Variants in CATSPERE observed in about 807,000 individuals in gnomAD.
CATSPERE encodes cation channel sperm-associated auxiliary subunit epsilon.
In CATSPERE, 93 loss-of-function variants were observed where a neutral mutation model predicts 114.1. That is an observed-to-expected ratio of 0.81 (90% CI 0.69 to 0.97). CATSPERE has a LOEUF of 0.97. Ranked by LOEUF, CATSPERE falls within the 50% of genes least tolerant of loss-of-function variation. CATSPERE has a pLI of 0.00. For synonymous variants in CATSPERE, 341 were observed against 384.1 expected, an observed-to-expected ratio of 0.89 and a Z score of 1.31; for missense variants, 1,058 against 1,131.6, an observed-to-expected ratio of 0.93 and a Z score of 0.93.
chr1:244,572,438 G>A lies in CATSPERE; in HGVS notation c.1616G>A (p.Arg539Lys). The change falls in exon 11 of 22, where the codon AGA becomes AAA. Residue 539 changes from arginine to lysine, a missense_variant. Arg to Lys is a conservative substitution (Grantham distance 26). Around this residue, in one of 2 missense-constraint regions of CATSPERE, gnomAD observed 787 missense variants for 905.6 expected, o/e 0.87. Transcript: ENST00000366534. ...KLHLWTNYTT[R>K]AFIFLSTSGQ... ...CATTTATGGACAAATTACACAACAA[G>A]AGCATTCATTTTCTTAAGTACATCT... The A allele has an allele frequency of 6.2e-7, 1 of 1,611,606 alleles. No individual in the cohort carries two copies. Among genetic ancestry groups the A allele is most frequent in the Non-Finnish European group, 8.5e-7 (1 of 1,177,722 alleles).
chr1:244,608,380 T>G lies in CATSPERE; in HGVS notation c.2404-1860T>G, dbSNP rs141998142. Among the ~76,000 whole-genome samples the G allele has an allele frequency of 1.4e-3, 215 of 150,726 alleles. 2 individuals carry two copies. In the East Asian group the frequency reaches 0.031, roughly 22 times the overall value. ...GAACCCCTTCTCCACACACAAAAAT[T>G]TTTCAATTAGCCAGGTGTGGTGATG... is the stretch of plus-strand genomic sequence containing the variant. On this transcript the variant is annotated intron_variant, in intron 18 of 21. Transcript: ENST00000366534.
rs1662434492 is a variant in CATSPERE, at chr1:244,560,783, G to C, written c.1145G>C (p.Ser382Thr). The C allele has an allele frequency of 5.0e-6, 8 of 1,613,992 alleles. No individual in the cohort carries two copies. The highest frequency in any genetic ancestry group is 6.8e-6 in the Non-Finnish European group (8 of 1,179,944). ...VTTTELKNIL[S>T]LSVTATLTID... The stretch of plus-strand genomic sequence containing the variant: ...ACCACAGAACTGAAAAACATCCTAA[G>C]TCTATCGGTGACTGCTACTCTGACC... Residue 382 changes from serine (S) to threonine (T), a missense_variant, in exon 10 of 22, where the codon AGT (serine) becomes ACT (threonine). Around this residue, in one of 2 missense-constraint regions of CATSPERE, gnomAD observed 787 missense variants for 905.6 expected, o/e 0.87. Transcript: ENST00000366534.
intron 8 of CATSPERE, among the ~76,000 whole-genome samples, chr1:244,533,776 A>G (rs1679965937): frequency 1.3e-5 from 2 of 152,134 alleles, no homozygotes; most frequent in Admixed American, 6.5e-5. Flanking sequence ...TAGCCTTTCT[A>G]CTTAACATGT....
chr1:244,480,209 A>G (rs1670047760), intron 5 of CATSPERE, among the ~76,000 whole-genome samples: 1 of 152,256 alleles, frequency 6.6e-6, no homozygotes, highest in African/African-American at 2.4e-5. Flanking sequence ...TGTATTGGAT[A>G]GCTTTTCAAA....
chr1:244,528,199 A>G (rs181835716), intron 8 of CATSPERE, among the ~76,000 whole-genome samples: 149 of 152,318 alleles, frequency 9.8e-4, no homozygotes, highest in African/African-American at 3.5e-3. Context: ...GCTCCCAATT[A>G]TAAGTGAGAA....
At chr1:244,454,638 T>G (rs536484314) in intron 1 of CATSPERE, 2 of 151,402 alleles carry the variant, frequency 1.3e-5, no homozygotes, top group Non-Finnish European at 2.9e-5. Context: ...CCGGACCGGT[T>G]TGTGGTCTCT....
chr1:244,588,613 T>G, intron 14 of CATSPERE, 79 bp downstream of exon 14: 1 of 1,049,992 alleles, frequency 9.5e-7, no homozygotes, highest in African/African-American at 1.6e-5. Flanking sequence ...CTGCTAGTGA[T>G]AATAGCCTAA....
At chr1:244,604,817 T>C (rs1053089557) in intron 17 of CATSPERE, among the ~76,000 whole-genome samples, 1 of 152,214 alleles carries the variant, frequency 6.6e-6, no homozygotes, top group Non-Finnish European at 1.5e-5. Flanking sequence ...TATGTTCACA[T>C]GGTAGCAGGG....
At chr1:244,451,410 T>TC (rs879287137), upstream of CATSPERE, among the ~76,000 whole-genome samples, 7 of 151,808 alleles carry the variant, frequency 4.6e-5, no homozygotes, top group Admixed American at 6.6e-5. The surrounding 1 kb of genome is among the most constrained non-coding windows in gnomAD (Gnocchi z 6.6). Flanking sequence ...GCCCACCTCT[T>TC]CCTCCAGGGC....
At chr1:244,548,952 T>A in intron 8 of CATSPERE, among the ~76,000 whole-genome samples, 1 of 152,190 alleles carries the variant, frequency 6.6e-6, no homozygotes, top group East Asian at 1.9e-4. Context: ...CATGCTCTGC[T>A]GGCCTACCAC....
At chr1:244,467,611 A>G (rs963098112) in intron 2 of CATSPERE, among the ~76,000 whole-genome samples, 1 of 152,334 alleles carries the variant, frequency 6.6e-6, no homozygotes, top group Non-Finnish European at 1.5e-5. Flanking sequence ...TTTGACTCCT[A>G]GGTATACATC....
chr1:244,591,212 A>C (rs149884807), intron 14 of CATSPERE, among the ~76,000 whole-genome samples: 1 of 152,324 alleles, frequency 6.6e-6, no homozygotes, highest in East Asian at 1.9e-4. Flanking sequence ...GACTGACTGA[A>C]TCTAGCTAGT....
At chr1:244,496,686 G>A (rs577584840) in intron 6 of CATSPERE, among the ~76,000 whole-genome samples, 62 of 152,246 alleles carry the variant, frequency 4.1e-4, no homozygotes, top group African/African-American at 1.5e-3. Flanking sequence ...TAAATGCAAT[G>A]CCATCTTAAT....
At chr1:244,609,539 C>A (rs902933352) in intron 18 of CATSPERE, among the ~76,000 whole-genome samples, 2 of 152,062 alleles carry the variant, frequency 1.3e-5, no homozygotes, top group African/African-American at 4.8e-5. Flanking sequence ...TTAGCAGAGA[C>A]AGGGTTTCAC....
intron 8 of CATSPERE, among the ~76,000 whole-genome samples, chr1:244,524,988 G>A (rs911392294): frequency 3.2e-4 from 46 of 145,150 alleles, no homozygotes; most frequent in Admixed American, 2.7e-3. Context: ...CCCATTACTC[G>A]GTATATACCC....
chr1:244,549,446 C>T (rs1350159774), intron 8 of CATSPERE, among the ~76,000 whole-genome samples: 2 of 152,120 alleles, frequency 1.3e-5, no homozygotes, highest in African/African-American at 2.4e-5. Context: ...GACACACACA[C>T]ATATATTAAA....
intron 2 of CATSPERE, among the ~76,000 whole-genome samples, chr1:244,476,994 C>G (rs1669461555): frequency 6.6e-6 from 1 of 151,894 alleles, no homozygotes; most frequent in African/African-American, 2.4e-5. Flanking sequence ...TAGATTATTT[C>G]TTTTCTTTTC....
At chr1:244,529,829 T>C (rs1465433935) in intron 8 of CATSPERE, among the ~76,000 whole-genome samples, 1 of 152,186 alleles carries the variant, frequency 6.6e-6, no homozygotes, top group Non-Finnish European at 1.5e-5. Flanking sequence ...ATGTTTTCTT[T>C]TAGTAGTTTT....
At position 244,625,421 on chromosome 1, in the gene CATSPERE, TATATATA is replaced by T. The variant is rs1478906212; in HGVS notation, c.2648+7736_2648+7742del. On this transcript the variant is annotated intron_variant, in intron 20 of 21. Transcript: ENST00000366534. ...TTATTATTATTTATATATATATATA[TATATATA>T]TATATTTTTTTTTTTTTTTGAGATG... Among the ~76,000 whole-genome samples the T allele has an allele frequency of 2.4e-4, 8 of 33,564 alleles. No individual in the cohort carries two copies. The East Asian group carries it at 6.6e-3, about 28-fold the overall frequency. The allele number at this position is 33,564 out of a possible 152,430, so 22.0% of individuals were successfully genotyped here.
Sources: allele counts gnomAD v4.1 joint callset (sites outside exome capture counted in the v4.1 genomes callset), GRCh38; gene constraint gnomAD v4.1.1; regional missense constraint gnomAD v4.1.1; non-coding constraint Gnocchi (gnomAD v3.1); transcripts MANE v1.5; gene names NCBI Gene and HGNC (gene_info 2026-07-23, HGNC 2026-07-21).